Variants in ADAMTS16 observed in about 807,000 individuals in gnomAD.
The protein encoded by ADAMTS16 is ADAM metallopeptidase with thrombospondin type 1 motif 16, also known as A disintegrin and metalloproteinase with thrombospondin motifs 16.
In ADAMTS16, 94 loss-of-function variants were observed where a neutral mutation model predicts 145.8. The ratio of observed to expected loss-of-function variants is 0.64; its 90% CI spans 0.55 to 0.77. The LOEUF (loss-of-function observed/expected upper bound fraction) is 0.77. ADAMTS16 is among the 30% of genes least tolerant of loss of function. ADAMTS16 has a pLI of 0.00. For missense variants in ADAMTS16, 1,585 were observed against 1,591.5 expected (o/e 1.00, Z 0.07); for synonymous variants, 659 against 604.3 (o/e 1.09, Z -1.33).
At chr5:5,242,298 C>T (rs1737317631) in intron 17 of ADAMTS16, 107 bp downstream of exon 17, 1 of 1,407,584 alleles carries the variant, frequency 7.1e-7, no homozygotes, top group Non-Finnish European at 9.4e-7. Flanking sequence ...GGGGCTTCTC[C>T]CTGCCAGTAG....
intron 18 of ADAMTS16, among the ~76,000 whole-genome samples, chr5:5,263,769 G>A (rs1738125743): frequency 6.6e-6 from 1 of 152,192 alleles, no homozygotes; most frequent in Non-Finnish European, 1.5e-5. Flanking sequence ...ACGGAGGTGT[G>A]TTCGCAGCTC....
intron 17 of ADAMTS16, among the ~76,000 whole-genome samples, chr5:5,249,566 G>T (rs1027454395): frequency 6.6e-6 from 1 of 152,108 alleles, no homozygotes; most frequent in Non-Finnish European, 1.5e-5. Flanking sequence ...TGGCTCCTGC[G>T]TGGCGGAAGC....
Position 5,209,207 on chromosome 5 carries a change from C to A in ADAMTS16, c.1566C>A (p.Phe522Leu), listed in dbSNP as rs188190346. The A allele has an allele frequency of 6.2e-7, 1 of 1,613,770 alleles. No homozygotes were observed. The highest frequency in any genetic ancestry group is 2.2e-5 in the East Asian group (1 of 44,846). ...YDANTQCKWQFGEKAKLCMLD... is the reference protein window; with the variant it reads ...YDANTQCKWQLGEKAKLCMLD... ...CAAACACACAGTGCAAGTGGCAGTT[C>A]GGAGAGAAAGCCAAGCTCTGCATGC... The change falls in exon 10 of 23, where the codon TTC becomes TTA. Residue 522 changes from phenylalanine (F) to leucine (L), a missense_variant. Phe to Leu is a conservative substitution (Grantham distance 22). Coordinates refer to ENST00000274181, the MANE Select transcript of ADAMTS16 (RefSeq NM_139056.4).
chr5:5,255,581 G>C (rs190081755), intron 17 of ADAMTS16, among the ~76,000 whole-genome samples: 286 of 152,344 alleles, frequency 1.9e-3, no homozygotes, highest in African/African-American at 5.1e-3. Context: ...TACATCCACT[G>C]CTTCCAGAGA....
intron 21 of ADAMTS16, among the ~76,000 whole-genome samples, chr5:5,309,245 T>A (rs1740314484): frequency 6.6e-6 from 1 of 152,240 alleles, no homozygotes; most frequent in Non-Finnish European, 1.5e-5. Context: ...CTCTGGATTG[T>A]TAATAATGCC....
At position 5,303,634 on chromosome 5, in the gene ADAMTS16, C is replaced by T. The variant is rs1739890770; in HGVS notation, c.3054C>T (p.Pro1018=). ...CAGTGGCCTGTAAGAGCACCAACCC[C>T]TCGGCCAGAGCGCAGCTGCTGCCCG... ...KRAVACKSTN[P]SARAQLLPDA... Residue 1018 remains proline (P), a synonymous_variant, in exon 20 of 23, where the codon CCC becomes CCT. Coordinates refer to ENST00000274181, the MANE Select transcript of ADAMTS16 (RefSeq NM_139056.4). 1 of 1,614,140 alleles carries T rather than the reference C, an allele frequency of 6.2e-7. No homozygotes were observed. The highest frequency in any genetic ancestry group is 8.5e-7 in the Non-Finnish European group (1 of 1,180,030).
chr5:5,188,509 A>T (rs1735573100), intron 6 of ADAMTS16, among the ~76,000 whole-genome samples: 1 of 152,134 alleles, frequency 6.6e-6, no homozygotes, highest in Admixed American at 6.5e-5. Flanking sequence ...AAATGTTCTC[A>T]TTTCCATTTT....
rs542929928 is a variant in ADAMTS16, at chr5:5,265,396, C to T, written c.2789+2613C>T. On this transcript the variant is annotated intron_variant, in intron 18 of 22. Transcript: ENST00000274181. The stretch of plus-strand genomic sequence containing the variant: ...TGGGGAGGTGAAGAACTGCAAAAAG[C>T]GTGAAGAAGGGTTGGTCCTTGTGGA... Among the ~76,000 whole-genome samples the T allele has an allele frequency of 1.5e-4, 23 of 152,142 alleles. No individual in the cohort carries two copies. The South Asian group carries it at 4.0e-3, about 26-fold the overall frequency.
intron 18 of ADAMTS16, among the ~76,000 whole-genome samples, chr5:5,302,998 C>T (rs1008114647): frequency 6.6e-6 from 1 of 151,910 alleles, no homozygotes; most frequent in Non-Finnish European, 1.5e-5. Flanking sequence ...CACACTGTGC[C>T]GAATAGGGTT....
At chr5:5,208,177 G>A (rs1736180117) in intron 9 of ADAMTS16, among the ~76,000 whole-genome samples, 1 of 152,150 alleles carries the variant, frequency 6.6e-6, no homozygotes, top group African/African-American at 2.4e-5. Flanking sequence ...ACGGAGTCCT[G>A]AGCTCTGAAG....
intron 18 of ADAMTS16, among the ~76,000 whole-genome samples, chr5:5,274,643 A>G (rs1445340132): frequency 6.6e-6 from 1 of 151,840 alleles, no homozygotes; most frequent in Non-Finnish European, 1.5e-5. Context: ...CATTTTTAGT[A>G]TTTTATATGT....
intron 6 of ADAMTS16, 104 bp from the exon 7 acceptor site, chr5:5,189,867 T>C: frequency 7.2e-7 from 1 of 1,397,284 alleles, no homozygotes. Flanking sequence ...GATCCAGCCA[T>C]GTATTTGAAA....
chr5:5,156,138 G>A (rs1469402225), intron 3 of ADAMTS16, among the ~76,000 whole-genome samples: 1 of 152,150 alleles, frequency 6.6e-6, no homozygotes. Flanking sequence ...AGAGCAGGTG[G>A]CAAAGCAGAA....
At chr5:5,266,458 C>T (rs1738242796) in intron 18 of ADAMTS16, among the ~76,000 whole-genome samples, 1 of 152,254 alleles carries the variant, frequency 6.6e-6, no homozygotes, top group South Asian at 2.1e-4. Context: ...AGTCCTTTCC[C>T]TAGGACGGGC....
At chr5:5,284,507 TTTGATGG>T (rs1281623251) in intron 18 of ADAMTS16, among the ~76,000 whole-genome samples, 1 of 152,178 alleles carries the variant, frequency 6.6e-6, no homozygotes, top group East Asian at 1.9e-4. Context: ...GATTCTCAAG[TTTGATGG>T]TATAATCTCC....
intron 8 of ADAMTS16, among the ~76,000 whole-genome samples, chr5:5,196,398 A>G (rs1454184939): frequency 6.6e-6 from 1 of 152,156 alleles, no homozygotes; most frequent in Admixed American, 6.5e-5. Flanking sequence ...CTTTGTCACC[A>G]GTCTGGGCCT....
chr5:5,272,046 C>A (rs1579364344), intron 18 of ADAMTS16, among the ~76,000 whole-genome samples: 1 of 152,120 alleles, frequency 6.6e-6, no homozygotes, highest in South Asian at 2.1e-4. Context: ...GAGCAATTTC[C>A]TTTTCTGTAG....
At chr5:5,156,735 A>G (rs938072262) in intron 3 of ADAMTS16, among the ~76,000 whole-genome samples, 2 of 152,174 alleles carry the variant, frequency 1.3e-5, no homozygotes, top group Non-Finnish European at 2.9e-5. Flanking sequence ...ATTAGCACTC[A>G]GGGGCTTGTG....
chr5:5,194,725 T>C (rs1465616973), intron 8 of ADAMTS16, among the ~76,000 whole-genome samples: 1 of 152,198 alleles, frequency 6.6e-6, no homozygotes, highest in Non-Finnish European at 1.5e-5. Context: ...GAAGAAGGAA[T>C]GATAAGTTTG....
Sources: gnomAD v4.1 joint callset for allele counts (sites outside exome capture counted in the v4.1 genomes callset) on GRCh38, gnomAD v4.1.1 for gene constraint, MANE v1.5 for transcripts, NCBI Gene and HGNC (gene_info 2026-07-23, HGNC 2026-07-21) for gene names.